Variants in EXOC4 observed in about 807,000 individuals in gnomAD.
EXOC4 encodes exocyst complex component 4, also known as SEC8-like 1.
A neutral mutation model predicts 107.2 loss-of-function variants in EXOC4; 71 were observed. The observed-to-expected ratio is 0.66, with a 90% CI of 0.55 to 0.81. The LOEUF is 0.81. EXOC4 is among the 30% of genes least tolerant of loss of function. EXOC4 has a pLI of 0.00. For synonymous variants in EXOC4, 456 were observed against 441.2 expected (o/e 1.03, Z -0.42); for missense variants, 1,108 against 1,189.6 (o/e 0.93, Z 1.01).
intron 10 of EXOC4, among the ~76,000 whole-genome samples, chr7:133,797,090 G>A (rs1030385524): frequency 6.6e-6 from 1 of 152,160 alleles, no homozygotes; most frequent in Non-Finnish European, 1.5e-5. Context: ...GAATGCATGG[G>A]CTTTGAAATC....
chr7:133,687,359 T>TA (rs1256518320), intron 10 of EXOC4, among the ~76,000 whole-genome samples: 1 of 151,992 alleles, frequency 6.6e-6, no homozygotes, highest in Non-Finnish European at 1.5e-5. Flanking sequence ...TCAGAGAACT[T>TA]ACTCATGTAA....
At chr7:133,861,175 TAGA>T (rs1170297053) in intron 11 of EXOC4, among the ~76,000 whole-genome samples, 1 of 152,146 alleles carries the variant, frequency 6.6e-6, no homozygotes, top group Non-Finnish European at 1.5e-5. Flanking sequence ...CACTAAGTCA[TAGA>T]AGAGAACCCC....
chr7:133,881,267 C>A (rs372942980), intron 11 of EXOC4, among the ~76,000 whole-genome samples: 2 of 151,518 alleles, frequency 1.3e-5, no homozygotes, highest in Non-Finnish European at 2.9e-5. Flanking sequence ...TACATACCCC[C>A]CCAACCCCAC....
intron 3 of EXOC4, among the ~76,000 whole-genome samples, chr7:133,290,039 T>G (rs1482651031): frequency 1.3e-5 from 2 of 152,212 alleles, no homozygotes; most frequent in African/African-American, 4.8e-5. Flanking sequence ...TTCTAATTCA[T>G]TCAGACTTCC....
intron 10 of EXOC4, among the ~76,000 whole-genome samples, chr7:133,761,243 A>G (rs942973986): frequency 1.3e-5 from 2 of 152,146 alleles, no homozygotes; most frequent in Admixed American, 6.6e-5. Flanking sequence ...AATCCCAACA[A>G]GTGCATAGAG....
chr7:133,678,645 G>A (rs903253426), intron 10 of EXOC4, among the ~76,000 whole-genome samples: 1 of 149,500 alleles, frequency 6.7e-6, no homozygotes, highest in African/African-American at 2.5e-5. Context: ...GGTTCTTGCT[G>A]TGTTGCCCAG....
intron 7 of EXOC4, among the ~76,000 whole-genome samples, chr7:133,407,638 C>T (rs1387288175): frequency 2.0e-5 from 3 of 152,112 alleles, no homozygotes; most frequent in Non-Finnish European, 4.4e-5. Flanking sequence ...ATGTAGTCCA[C>T]AGCAAACTGA....
intron 14 of EXOC4, among the ~76,000 whole-genome samples, chr7:133,952,139 A>G (rs1024419374): frequency 2.0e-5 from 3 of 151,816 alleles, no homozygotes; most frequent in Admixed American, 6.6e-5. Context: ...CCGAGCTGAC[A>G]ACAGTGAGAC....
chr7:134,016,020 T>C (rs1422117999), intron 17 of EXOC4, among the ~76,000 whole-genome samples: 1 of 151,752 alleles, frequency 6.6e-6, no homozygotes, highest in Admixed American at 6.6e-5. Flanking sequence ...ATAGTGAGGG[T>C]AAAGTGAAGG....
At chr7:133,917,375 A>G (rs2116634641) in intron 12 of EXOC4, among the ~76,000 whole-genome samples, 2 of 152,330 alleles carry the variant, frequency 1.3e-5, no homozygotes, top group South Asian at 4.1e-4. Flanking sequence ...TTACTCAACA[A>G]CTAAGAAACT....
At chr7:133,343,449 G>A (rs1254496261) in intron 5 of EXOC4, among the ~76,000 whole-genome samples, 2 of 152,010 alleles carry the variant, frequency 1.3e-5, no homozygotes, top group Non-Finnish European at 1.5e-5. Context: ...GCTAATTTTT[G>A]TATTTTTTGT....
intron 7 of EXOC4, among the ~76,000 whole-genome samples, chr7:133,375,868 T>C (rs919022000): frequency 1.3e-5 from 2 of 152,192 alleles, no homozygotes; most frequent in African/African-American, 2.4e-5. Context: ...TTTTTCTCCA[T>C]ATGTGAGCAA....
intron 2 of EXOC4, among the ~76,000 whole-genome samples, chr7:133,276,020 TAA>T (rs1268589044): frequency 6.6e-6 from 1 of 152,132 alleles, no homozygotes; most frequent in Non-Finnish European, 1.5e-5. Context: ...TAATGTGTAT[TAA>T]GTTTTATTTT....
At chr7:133,410,376 A>G (rs1797329660) in intron 7 of EXOC4, among the ~76,000 whole-genome samples, 1 of 152,172 alleles carries the variant, frequency 6.6e-6, no homozygotes, top group Admixed American at 6.6e-5. Context: ...AGGAATGTAT[A>G]TCTGTGTGTG....
chr7:133,771,153 G>T (rs1796236335), intron 10 of EXOC4, among the ~76,000 whole-genome samples: 2 of 151,922 alleles, frequency 1.3e-5, no homozygotes, highest in South Asian at 4.1e-4. Flanking sequence ...TCTGGGGAGG[G>T]TATACATGGA....
intron 11 of EXOC4, among the ~76,000 whole-genome samples, chr7:133,889,494 C>T (rs1799160824): frequency 6.8e-6 from 1 of 146,194 alleles, no homozygotes; most frequent in Admixed American, 6.8e-5. Context: ...CATATGTATA[C>T]ATGTGCCATG....
chr7:133,792,553 CAAAAAAAAAA>C (rs56408972), intron 10 of EXOC4, among the ~76,000 whole-genome samples: 1 of 73,606 alleles, frequency 1.4e-5, no homozygotes, highest in Non-Finnish European at 2.4e-5. Flanking sequence ...ACCCTGTCTC[CAAAAAAAAAA>C]AAAAAAAAAA....
chr7:133,274,798 A>T (rs1793950369), intron 1 of EXOC4, among the ~76,000 whole-genome samples, 184 bp from the exon 2 acceptor site: 1 of 152,198 alleles, frequency 6.6e-6, no homozygotes, highest in Non-Finnish European at 1.5e-5. Flanking sequence ...AAATCCACTT[A>T]GATGGGCTAT....
intron 11 of EXOC4, among the ~76,000 whole-genome samples, chr7:133,855,308 G>A (rs1365702340): frequency 6.6e-6 from 1 of 150,748 alleles, no homozygotes; most frequent in Non-Finnish European, 1.5e-5. Flanking sequence ...ATCTAAACCA[G>A]AAAACGAACT....
Sources: allele counts gnomAD v4.1 joint callset (sites outside exome capture counted in the v4.1 genomes callset), GRCh38; gene constraint gnomAD v4.1.1; transcripts MANE v1.5; gene names NCBI Gene and HGNC (gene_info 2026-07-23, HGNC 2026-07-21).